The following CDH18 variants were observed in gnomAD, a reference collection of about 807,000 sequenced individuals.
CDH18 encodes cadherin-18.
Under a neutral mutation model 67.9 loss-of-function variants are expected in CDH18, and 31 were observed. That is an observed-to-expected ratio of 0.46 (90% CI 0.34 to 0.62). CDH18 has a LOEUF of 0.62. Among genes scored for constraint, CDH18 ranks in the 20% least tolerant of loss-of-function variants. CDH18 has a pLI of 0.01. For missense variants in CDH18, 890 were observed against 975.5 expected (o/e 0.91, Z 1.17); for synonymous variants, 362 against 347.2 (o/e 1.04, Z -0.48).
At chr5:20,559,043 G>A (rs183479846) in intron 1 of CDH18, among the ~76,000 whole-genome samples, 1 of 150,688 alleles carries the variant, frequency 6.6e-6, no homozygotes, top group East Asian at 1.9e-4. Flanking sequence ...TTGCTTACCG[G>A]CAGACTAGAT....
chr5:20,575,092 T>C (rs1248509942), intron 1 of CDH18, among the ~76,000 whole-genome samples: 1 of 152,148 alleles, frequency 6.6e-6, no homozygotes, highest in Non-Finnish European at 1.5e-5. Context: ...GATATGCTAT[T>C]ATTTACCAAA....
chr5:20,319,299 G>A (rs894490840), intron 1 of CDH18, among the ~76,000 whole-genome samples: 7 of 152,070 alleles, frequency 4.6e-5, no homozygotes, highest in Non-Finnish European at 1.0e-4. Context: ...CTGTGATTAA[G>A]TTAAAACCAA....
At chr5:19,545,235 G>C (rs1455857416) in intron 8 of CDH18, among the ~76,000 whole-genome samples, 1 of 152,054 alleles carries the variant, frequency 6.6e-6, no homozygotes, top group Non-Finnish European at 1.5e-5. Flanking sequence ...AAGTGCTAGG[G>C]AAGAATATAT....
intron 11 of CDH18, among the ~76,000 whole-genome samples, chr5:19,491,195 C>A (rs971105741): frequency 2.6e-5 from 4 of 152,120 alleles, no homozygotes; most frequent in Non-Finnish European, 5.9e-5. Context: ...GTGTTCCAAC[C>A]TCGTCCCTGA....
At chr5:20,192,840 T>C (rs2126723547) in intron 2 of CDH18, among the ~76,000 whole-genome samples, 1 of 152,286 alleles carries the variant, frequency 6.6e-6, no homozygotes, top group South Asian at 2.1e-4. Flanking sequence ...ACGAGGTCTT[T>C]TTTGATTCCA....
intron 2 of CDH18, among the ~76,000 whole-genome samples, chr5:19,843,928 G>C (rs1039914166): frequency 3.9e-5 from 6 of 152,192 alleles, no homozygotes; most frequent in African/African-American, 1.4e-4. Context: ...TCTCCCATTG[G>C]AGAAGAATTC....
chr5:20,551,047 A>G lies in CDH18; in HGVS notation c.-580+24415T>C, dbSNP rs898134709. Among the ~76,000 whole-genome samples, 10 of 152,326 alleles carry G rather than the reference A, an allele frequency of 6.6e-5. No homozygotes were observed. The South Asian group carries it at 1.4e-3, about 22-fold the overall frequency. The stretch of plus-strand genomic sequence containing the variant: ...TCAGCAAGACCCAAAGTTTCTGGCA[A>G]TTCATTACAACAGAAATTCAAACTA... On this transcript the variant is annotated intron_variant, in intron 1 of 14. Coordinates refer to the CDH18 transcript ENST00000507958.
chr5:20,300,213 C>A (rs908236031), intron 1 of CDH18, among the ~76,000 whole-genome samples: 3 of 151,990 alleles, frequency 2.0e-5, no homozygotes, highest in Non-Finnish European at 4.4e-5. Flanking sequence ...AGATCTGATT[C>A]TCCCCAATTT....
chr5:20,452,465 A>T (rs984442033), intron 1 of CDH18, among the ~76,000 whole-genome samples: 1 of 152,110 alleles, frequency 6.6e-6, no homozygotes, highest in Non-Finnish European at 1.5e-5. Context: ...CAGGAACATG[A>T]TGGAGTTTGA....
At chr5:20,280,574 A>G (rs1031539641) in intron 1 of CDH18, among the ~76,000 whole-genome samples, 17 of 152,314 alleles carry the variant, frequency 1.1e-4, no homozygotes, top group African/African-American at 3.4e-4. Context: ...TCCATGGTGT[A>G]TATGTGCCAC....
chr5:19,517,617 G>A (rs985306438), intron 10 of CDH18, among the ~76,000 whole-genome samples: 1 of 151,934 alleles, frequency 6.6e-6, no homozygotes, highest in Non-Finnish European at 1.5e-5. Context: ...TTACTTTAGT[G>A]CACTGAGGCA....
intron 1 of CDH18, among the ~76,000 whole-genome samples, chr5:20,328,502 T>A (rs1241228440): frequency 1.7e-5 from 2 of 117,444 alleles, no homozygotes; most frequent in South Asian, 2.8e-4. Context: ...TGTGTGTGTG[T>A]GTGTGTGAGA....
chr5:19,556,608 TC>T (rs1274460130), intron 8 of CDH18, among the ~76,000 whole-genome samples: 1 of 152,108 alleles, frequency 6.6e-6, no homozygotes, highest in South Asian at 2.1e-4. Context: ...GAGCAAAGCC[TC>T]CAAGAAGTTT....
intron 2 of CDH18, among the ~76,000 whole-genome samples, chr5:20,056,210 G>A (rs1741898781): frequency 6.7e-6 from 1 of 149,812 alleles, no homozygotes; most frequent in Non-Finnish European, 1.5e-5. Context: ...TCACCATAAT[G>A]TCAGGCTGGT....
chr5:19,495,907 A>T (rs1042243926), intron 11 of CDH18, among the ~76,000 whole-genome samples: 1 of 152,098 alleles, frequency 6.6e-6, no homozygotes, highest in African/African-American at 2.4e-5. Flanking sequence ...AGAGGCTGGG[A>T]TTCTAAGCTG....
intron 5 of CDH18, among the ~76,000 whole-genome samples, chr5:19,636,955 C>T (rs567329525): frequency 2.0e-5 from 3 of 152,110 alleles, no homozygotes; most frequent in East Asian, 1.9e-4. Flanking sequence ...TCTCTTTAAG[C>T]GAGAAATGAC....
At chr5:19,501,400 C>A (rs1743218231) in intron 11 of CDH18, among the ~76,000 whole-genome samples, 1 of 148,526 alleles carries the variant, frequency 6.7e-6, no homozygotes, top group South Asian at 2.1e-4. Flanking sequence ...GTCAGGAGTT[C>A]GAGATCAGCC....
upstream of CDH18, among the ~76,000 whole-genome samples, chr5:19,988,437 G>A (rs1476823574): frequency 6.6e-6 from 1 of 151,908 alleles, no homozygotes; most frequent in Admixed American, 6.6e-5. Flanking sequence ...AAGCAAAACG[G>A]ACACCCTTTA....
intron 1 of CDH18, chr5:20,305,395 T>C (rs1736329632): frequency 7.7e-6 from 12 of 1,548,976 alleles, no homozygotes; most frequent in Non-Finnish European, 8.9e-6. Context: ...CTCTTCAGCT[T>C]CATCTTCTTG....
Sources: gnomAD v4.1 joint callset for allele counts (sites outside exome capture counted in the v4.1 genomes callset) on GRCh38, gnomAD v4.1.1 for gene constraint, MANE v1.5 for transcripts, NCBI Gene and HGNC (gene_info 2026-07-23, HGNC 2026-07-21) for gene names.